Variants in SGCZ observed in about 807,000 individuals in gnomAD.
SGCZ encodes the protein zeta-sarcoglycan.
SGCZ carries 40 observed loss-of-function variants against 41.3 expected under a neutral mutation model. The ratio of observed to expected loss-of-function variants is 0.97; its 90% CI spans 0.75 to 1.26. The LOEUF is 1.26. SGCZ is among the 50% of genes most tolerant of loss of function. SGCZ has a pLI of 0.00. For missense variants in SGCZ, 552 were observed against 369.8 expected (o/e 1.49, Z -4.04); for synonymous variants, 206 against 137.5 (o/e 1.50, Z -3.49).
At chr8:14,472,861 T>C (rs1198181619) in intron 2 of SGCZ, among the ~76,000 whole-genome samples, 3 of 152,164 alleles carry the variant, frequency 2.0e-5, no homozygotes, top group Non-Finnish European at 4.4e-5. Context: ...GGTTATATTA[T>C]CAATGCTAAG....
intron 4 of SGCZ, among the ~76,000 whole-genome samples, chr8:14,227,512 T>A (rs963500710): frequency 2.6e-5 from 4 of 152,074 alleles, no homozygotes; most frequent in African/African-American, 7.2e-5. Context: ...CATATAGTAT[T>A]AAAAATTCTT....
At chr8:14,279,212 GT>G in intron 3 of SGCZ, among the ~76,000 whole-genome samples, 1 of 152,038 alleles carries the variant, frequency 6.6e-6, no homozygotes, top group Non-Finnish European at 1.5e-5. Context: ...GAAAAGTAGA[GT>G]TTACTTTTGG....
chr8:14,086,856 A>G lies in SGCZ; in HGVS notation c.*3587T>C, dbSNP rs756059823. On this transcript the variant is annotated 3_prime_UTR_variant, in exon 8 of 8. Coordinates refer to ENST00000382080, the MANE Select transcript of SGCZ (RefSeq NM_139167.4). ...AATGCTAGTTCAGATATGGCTACTT[A>G]ACCTAAGATTTATGAGTGCTTCCTT... Among the ~76,000 whole-genome samples the G allele has an allele frequency of 2.0e-5, 3 of 151,728 alleles. No individual in the cohort carries two copies. The highest frequency in any genetic ancestry group is 4.4e-5 in the Non-Finnish European group (3 of 67,746).
At chr8:14,116,802 C>T (rs1802537235) in intron 5 of SGCZ, among the ~76,000 whole-genome samples, 1 of 152,036 alleles carries the variant, frequency 6.6e-6, no homozygotes, top group African/African-American at 2.4e-5. Flanking sequence ...TTACTTTTAA[C>T]TAAAGAAATG....
At chr8:14,665,843 G>A (rs1296487113) in intron 1 of SGCZ, among the ~76,000 whole-genome samples, 1 of 152,202 alleles carries the variant, frequency 6.6e-6, no homozygotes, top group Admixed American at 6.5e-5. Flanking sequence ...AATTAAATAC[G>A]AGAAATTCAA....
intron 4 of SGCZ, among the ~76,000 whole-genome samples, chr8:14,202,630 G>A (rs1225409409): frequency 6.6e-6 from 1 of 152,100 alleles, no homozygotes; most frequent in African/African-American, 2.4e-5. Flanking sequence ...ATTTGATTAA[G>A]ATGTTTCCAT....
At chr8:15,215,880 G>A (rs1801382968) in intron 1 of SGCZ, among the ~76,000 whole-genome samples, 2 of 152,166 alleles carry the variant, frequency 1.3e-5, no homozygotes, top group Admixed American at 1.3e-4. Flanking sequence ...TGATGAGACA[G>A]TACAAACTTT....
chr8:14,322,732 A>C (rs1202799684), intron 3 of SGCZ, among the ~76,000 whole-genome samples: 2 of 152,250 alleles, frequency 1.3e-5, no homozygotes, highest in East Asian at 3.9e-4. Flanking sequence ...GCTTAGTTTC[A>C]CTTGCTTCCT....
At chr8:15,100,557 A>AG (rs1391213426) in intron 1 of SGCZ, among the ~76,000 whole-genome samples, 1 of 152,246 alleles carries the variant, frequency 6.6e-6, no homozygotes, top group African/African-American at 2.4e-5. Flanking sequence ...CACAATCTCC[A>AG]TGAAATCACC....
At chr8:15,096,584 C>G (rs999307585) in intron 1 of SGCZ, among the ~76,000 whole-genome samples, 2 of 152,034 alleles carry the variant, frequency 1.3e-5, no homozygotes, top group South Asian at 4.2e-4. Context: ...GCCTGAGAAG[C>G]CTTAGAAAAT....
chr8:14,582,394 C>T (rs1436410301), intron 1 of SGCZ, among the ~76,000 whole-genome samples: 3 of 152,008 alleles, frequency 2.0e-5, no homozygotes, highest in Non-Finnish European at 4.4e-5. Context: ...TGTATTTATG[C>T]ATATTTACAC....
At chr8:14,964,175 T>C (rs943731783) in intron 1 of SGCZ, among the ~76,000 whole-genome samples, 1 of 152,228 alleles carries the variant, frequency 6.6e-6, no homozygotes, top group East Asian at 1.9e-4. Context: ...CTACTGTTAT[T>C]GCTAGATCAC....
At chr8:14,786,527 C>G (rs1800772098) in intron 1 of SGCZ, among the ~76,000 whole-genome samples, 1 of 151,766 alleles carries the variant, frequency 6.6e-6, no homozygotes, top group Non-Finnish European at 1.5e-5. Flanking sequence ...GAATGTAGCA[C>G]TTTTCAATAC....
intron 5 of SGCZ, among the ~76,000 whole-genome samples, chr8:14,111,140 T>C (rs1030919841): frequency 5.9e-5 from 9 of 152,250 alleles, no homozygotes; most frequent in South Asian, 4.1e-4. Context: ...AGATTACTAG[T>C]AGGGTTGTGA....
At chr8:14,545,442 A>T (rs1803597197) in intron 2 of SGCZ, among the ~76,000 whole-genome samples, 1 of 151,898 alleles carries the variant, frequency 6.6e-6, no homozygotes, top group South Asian at 2.1e-4. Context: ...AATAGCGAAA[A>T]CATAAACCCT....
intron 2 of SGCZ, among the ~76,000 whole-genome samples, chr8:14,505,138 G>A (rs534346066): frequency 2.2e-4 from 34 of 152,036 alleles, no homozygotes; most frequent in Non-Finnish European, 4.3e-4. Flanking sequence ...GTTATAGTGG[G>A]ACCCCATCCA....
chr8:14,937,392 A>G (rs1178378811), intron 1 of SGCZ, among the ~76,000 whole-genome samples: 1 of 152,070 alleles, frequency 6.6e-6, no homozygotes. Context: ...TTATTTTCCC[A>G]AAAAGCACAG....
intron 1 of SGCZ, among the ~76,000 whole-genome samples, chr8:15,104,223 G>A (rs1388616721): frequency 2.6e-5 from 4 of 152,134 alleles, no homozygotes; most frequent in African/African-American, 9.7e-5. Context: ...CCTTGCACAG[G>A]ATTCCTACCC....
intron 4 of SGCZ, among the ~76,000 whole-genome samples, chr8:14,232,123 A>C (rs1413065061): frequency 8.8e-6 from 1 of 114,084 alleles, no homozygotes; most frequent in Non-Finnish European, 1.7e-5. Flanking sequence ...TAATCAAACA[A>C]ATCTTCTTTC....
Sources: gnomAD v4.1 joint callset for allele counts (sites outside exome capture counted in the v4.1 genomes callset) on GRCh38, gnomAD v4.1.1 for gene constraint, MANE v1.5 for transcripts, NCBI Gene and HGNC (gene_info 2026-07-23, HGNC 2026-07-21) for gene names.